ZFHX3: variants seen among roughly 807,000 people sequenced by gnomAD.
ZFHX3 encodes zinc finger homeobox 3, also known as zinc finger homeobox protein 3.
Under a neutral mutation model 279.1 loss-of-function variants are expected in ZFHX3, and 42 were observed. The ratio of observed to expected loss-of-function variants is 0.15; its 90% CI spans 0.12 to 0.19. The LOEUF (loss-of-function observed/expected upper bound fraction) is 0.19. ZFHX3 is among the 10% of genes least tolerant of loss of function. The pLI, the probability that ZFHX3 is intolerant of heterozygous loss-of-function variation, is 1.00. For synonymous variants in ZFHX3, 2,293 were observed against 1,957.8 expected, an observed-to-expected ratio of 1.17 and a Z score of -4.52; for missense variants, 4,981 against 4,754.0, an observed-to-expected ratio of 1.05 and a Z score of -1.40.
At position 72,795,104 on chromosome 16, in the gene ZFHX3, C is replaced by T. The variant is rs770049502; in HGVS notation, c.7578G>A (p.Gln2526=). ...TPQQLANLPP[Q]LIPYQCDQCK... is the part of the protein sequence containing the mutation. ...ACTGGTCACACTGGTAGGGGATTAG[C>T]TGAGGAGGTAGGTTTGCGAGCTGTT... Residue 2526 remains glutamine (Q), a synonymous_variant, in exon 9 of 10, where the codon CAG becomes CAA. Transcript: ENST00000268489. 6.2e-7 allele frequency: 1 copy of T among 1,613,672 alleles called. No individual in the cohort carries two copies. The highest frequency in any genetic ancestry group is 1.3e-5 in the African/African-American group (1 of 74,798).
intron 5 of ZFHX3, chr16:73,144,286 T>C (rs956184399): frequency 1.9e-5 from 3 of 156,464 alleles, no homozygotes; most frequent in African/African-American, 7.2e-5. Flanking sequence ...AGGATTCAAA[T>C]GGTGTTAACT....
chr16:72,902,947 A>C (rs924708683), intron 3 of ZFHX3, among the ~76,000 whole-genome samples: 1 of 152,198 alleles, frequency 6.6e-6, no homozygotes, highest in African/African-American at 2.4e-5. Flanking sequence ...TTCTGAGGCC[A>C]AGTCTTGGTC....
chr16:72,836,773 T>C (rs2037202752), intron 4 of ZFHX3, among the ~76,000 whole-genome samples: 2 of 152,142 alleles, frequency 1.3e-5, no homozygotes, highest in African/African-American at 4.8e-5. Context: ...AAACCAGCAC[T>C]GATGAGTGGG....
intron 3 of ZFHX3, among the ~76,000 whole-genome samples, chr16:73,403,811 G>C (rs780334957): frequency 6.6e-6 from 1 of 152,296 alleles, no homozygotes; most frequent in South Asian, 2.1e-4. Flanking sequence ...GGAGACAGGG[G>C]CCCAGAAACT....
intron 4 of ZFHX3, among the ~76,000 whole-genome samples, chr16:73,258,028 A>G (rs2013707770): frequency 6.6e-6 from 1 of 152,194 alleles, no homozygotes; most frequent in East Asian, 1.9e-4. Context: ...AGTTATGACA[A>G]CCAAACAGGT....
intron 1 of ZFHX3, among the ~76,000 whole-genome samples, chr16:73,753,984 CAA>C (rs1491387674): frequency 1.3e-4 from 4 of 31,166 alleles, no homozygotes; most frequent in Admixed American, 5.7e-4. Context: ...TAGTAAGAAT[CAA>C]TGTGTGTGTG....
chr16:73,188,783 A>G (rs1443385920), intron 5 of ZFHX3, among the ~76,000 whole-genome samples: 1 of 152,174 alleles, frequency 6.6e-6, no homozygotes, highest in Non-Finnish European at 1.5e-5. Flanking sequence ...GTTTAGTTTC[A>G]GAACAAATCC....
chr16:73,750,007 C>A (rs1365063039), intron 1 of ZFHX3, among the ~76,000 whole-genome samples: 1 of 152,204 alleles, frequency 6.6e-6, no homozygotes, highest in African/African-American at 2.4e-5. Flanking sequence ...TATCTACTCA[C>A]CTGGCCACCC....
intron 7 of ZFHX3, among the ~76,000 whole-genome samples, chr16:73,126,071 A>G (rs8054028): frequency 0.24 from 37,142 of 151,920 alleles, 4,979 homozygotes; most frequent in African/African-American, 0.35. Context: ...TGAGTCATCC[A>G]CAGGGACTAG....
At chr16:72,816,068 A>C (rs1233878020) in intron 5 of ZFHX3, among the ~76,000 whole-genome samples, 1 of 152,228 alleles carries the variant, frequency 6.6e-6, no homozygotes, top group Non-Finnish European at 1.5e-5. Flanking sequence ...ACAGCTATGT[A>C]AAAAGTAGGT....
chr16:73,401,364 AAAACAAAACACACACACACACACAC>A (rs1567472600), intron 3 of ZFHX3: 3 of 137,924 alleles, frequency 2.2e-5, no homozygotes, highest in Non-Finnish European at 3.1e-5. Context: ...CAAAAAACAA[AAAACAAAACACACACACACACACAC>A]ACACACACAC....
At chr16:72,865,528 C>T (rs1463463189) in intron 4 of ZFHX3, among the ~76,000 whole-genome samples, 1 of 152,226 alleles carries the variant, frequency 6.6e-6, no homozygotes, top group Non-Finnish European at 1.5e-5. Flanking sequence ...ATCTTGTCCC[C>T]ACCCAATGTG....
At chr16:73,404,465 G>A (rs1258614572) in intron 3 of ZFHX3, among the ~76,000 whole-genome samples, 2 of 152,148 alleles carry the variant, frequency 1.3e-5, no homozygotes, top group East Asian at 1.9e-4. Flanking sequence ...CTCCAAGTTC[G>A]TGCAGTGTTA....
intron 2 of ZFHX3, among the ~76,000 whole-genome samples, chr16:73,657,897 G>T (rs1414586700): frequency 6.6e-6 from 1 of 152,216 alleles, no homozygotes; most frequent in Non-Finnish European, 1.5e-5. Context: ...TATGAAAAAT[G>T]ATGCTATGAA....
At chr16:73,333,907 G>C (rs920781814) in intron 3 of ZFHX3, among the ~76,000 whole-genome samples, 2 of 151,670 alleles carry the variant, frequency 1.3e-5, no homozygotes, top group African/African-American at 2.4e-5. Flanking sequence ...CCTTGTATCC[G>C]GCACGCTGAA....
At chr16:73,850,411 G>A (rs1961565518) in intron 1 of ZFHX3, among the ~76,000 whole-genome samples, 1 of 152,174 alleles carries the variant, frequency 6.6e-6, no homozygotes, top group Admixed American at 6.5e-5. Context: ...GGGAAATCAA[G>A]ATGGCTTCCT....
chr16:73,128,498 C>A (rs1313920503), intron 7 of ZFHX3, among the ~76,000 whole-genome samples: 2 of 152,258 alleles, frequency 1.3e-5, no homozygotes, highest in African/African-American at 4.8e-5. Flanking sequence ...GGAATGCAAA[C>A]CCAGGCAGAC....
chr16:73,883,392 C>CAT (rs1040626904), intron 1 of ZFHX3, among the ~76,000 whole-genome samples: 1 of 120,958 alleles, frequency 8.3e-6, no homozygotes, highest in Non-Finnish European at 1.9e-5. Context: ...GCACATAAGC[C>CAT]ATATATATGT....
At chr16:72,984,298 T>C (rs1332966813) in intron 1 of ZFHX3, among the ~76,000 whole-genome samples, 1 of 152,126 alleles carries the variant, frequency 6.6e-6, no homozygotes, top group Non-Finnish European at 1.5e-5. Flanking sequence ...CATTCCCCAG[T>C]GACTCCATGA....
Sources: gnomAD v4.1 joint callset for allele counts (sites outside exome capture counted in the v4.1 genomes callset) on GRCh38, gnomAD v4.1.1 for gene constraint, MANE v1.5 for transcripts, NCBI Gene and HGNC (gene_info 2026-07-23, HGNC 2026-07-21) for gene names.